The following TNNT2 variants were observed in gnomAD, a reference collection of about 807,000 sequenced individuals.
The protein encoded by TNNT2 is troponin T, cardiac muscle.
A neutral mutation model predicts 62.4 loss-of-function variants in TNNT2; 34 were observed. The ratio of observed to expected loss-of-function variants is 0.54; its 90% CI spans 0.41 to 0.72. The LOEUF (loss-of-function observed/expected upper bound fraction) is 0.72, where lower values mean the gene tolerates loss of function less well. Among genes scored for constraint, TNNT2 ranks in the 30% least tolerant of loss-of-function variants. The pLI is 0.00. For synonymous variants in TNNT2, 123 were observed against 127.2 expected (o/e 0.97, Z 0.22); for missense variants, 275 against 381.9 (o/e 0.72, Z 2.33).
At chr1:201,368,660 G>A (rs772764759) in intron 5 of TNNT2, among the ~76,000 whole-genome samples, 3 of 152,202 alleles carry the variant, frequency 2.0e-5, no homozygotes, top group African/African-American at 4.8e-5. Flanking sequence ...CTGGATCTTC[G>A]TACTATCCAG....
chr1:201,377,049 G>A (rs1489464467), intron 1 of TNNT2, among the ~76,000 whole-genome samples: 1 of 152,180 alleles, frequency 6.6e-6, no homozygotes, highest in African/African-American at 2.4e-5. Flanking sequence ...CGCTGCAGAG[G>A]ACCCTGCACA....
At position 201,365,200 on chromosome 1, in the gene TNNT2, T is replaced by C. The variant is rs1342739680; in HGVS notation, c.402A>G (p.Lys134=). 6.2e-7 allele frequency: 1 copy of C among 1,613,656 alleles called. No individual in the cohort carries two copies. Among genetic ancestry groups the C allele is most frequent in the African/African-American group, 1.3e-5 (1 of 74,896 alleles). ...CAGACTGGACACCTACGATCCTGTC[T>C]TTGAGAGAAACGAGCTCCTCCTCCT... ...KKEEEELVSL[K]DRIERRRAER... The change falls in exon 10 of 17, where the codon AAA becomes AAG. Residue 134 remains lysine, a synonymous_variant. Transcript: ENST00000656932.
rs748277130 is a variant in TNNT2, at chr1:201,366,932, G to A, written c.200-61C>T. 2.1e-4 allele frequency: 331 copies of A among 1,613,422 alleles called. 1 individual carries two copies. The highest frequency in any genetic ancestry group is 2.5e-4 in the East Asian group (11 of 44,872). ...GGGCCCCAGAAGTGGTCCCAACTCC[G>A]CCCTCGATGAGCTAGATCCCTGTGG... On this transcript the variant is annotated intron_variant, in intron 7 of 16. Transcript: ENST00000656932.
At chr1:201,373,015 C>T (rs565585911) in intron 2 of TNNT2, 199 bp downstream of exon 2, 24 of 707,872 alleles carry the variant, frequency 3.4e-5, no homozygotes, top group African/African-American at 2.6e-4. Flanking sequence ...CGAAGTCTCT[C>T]GGCCTGTGCT....
intron 16 of TNNT2, 122 bp downstream of exon 16, chr1:201,359,501 G>A (rs898122344): frequency 8.1e-6 from 9 of 1,108,264 alleles, no homozygotes; most frequent in Non-Finnish European, 1.2e-5. Flanking sequence ...GGAAACCTGT[G>A]GGCTGAAGCA....
intron 7 of TNNT2, chr1:201,367,287 G>A (rs1246411373): frequency 2.6e-6 from 1 of 389,566 alleles, no homozygotes; most frequent in Non-Finnish European, 4.8e-6. Flanking sequence ...CAGGGCAGAA[G>A]CTGATGACAT....
At position 201,360,297 on chromosome 1, in the gene TNNT2, A is replaced by T. The variant is rs150791580; in HGVS notation, c.811-634T>A. Among the ~76,000 whole-genome samples, 29 of 152,358 alleles carry T rather than the reference A, an allele frequency of 1.9e-4. No individual in the cohort carries two copies. The East Asian group carries it at 5.6e-3, about 29-fold the overall frequency. On this transcript the variant is annotated intron_variant, in intron 15 of 16. Coordinates refer to ENST00000656932, the MANE Select transcript of TNNT2 (RefSeq NM_001276345.2). ...ACCCATAGGGCTGCTATGAGGGCAT[A>T]GTAAGTTAATACATGGGACATGCTT...
At chr1:201,361,012 C>A (rs560321574) in intron 15 of TNNT2, 28 of 513,562 alleles carry the variant, frequency 5.5e-5, no homozygotes, top group South Asian at 5.3e-4. Flanking sequence ...GCTGCCTCAA[C>A]GTGTTGGAGA....
chr1:201,369,889 A>G (rs778127864), intron 4 of TNNT2, 44 bp from the exon 5 acceptor site: 1 of 1,613,594 alleles, frequency 6.2e-7, no homozygotes, highest in South Asian at 1.1e-5. Context: ...AAAGCGAGAC[A>G]GGTTAGTCTG....
At chr1:201,359,287 G>A (rs769696700) in intron 16 of TNNT2, 32 bp from the exon 17 acceptor site, 29 of 1,606,436 alleles carry the variant, frequency 1.8e-5, no homozygotes, top group Non-Finnish European at 1.7e-6. Flanking sequence ...GTGACATGGA[G>A]ACACAGGCAG....
intron 1 of TNNT2, chr1:201,374,551 G>A (rs1661112765): frequency 6.6e-6 from 1 of 152,240 alleles, no homozygotes; most frequent in African/African-American, 2.4e-5. Context: ...GGAGGGGGCA[G>A]AGAGCAAGCA....
intron 5 of TNNT2, 109 bp from the exon 6 acceptor site, chr1:201,368,336 C>G: frequency 8.7e-7 from 1 of 1,155,976 alleles, no homozygotes; most frequent in Non-Finnish European, 1.3e-6. Context: ...GTCAAGACGT[C>G]TAGGTCCAGA....
chr1:201,363,694 T>A, intron 11 of TNNT2: 1 of 452,716 alleles, frequency 2.2e-6, no homozygotes, highest in East Asian at 4.7e-5. Flanking sequence ...CTTCAGCAGC[T>A]GCACAGGAAG....
rs771688910 is a variant in TNNT2, at chr1:201,367,802, A to G, written c.168T>C (p.Asp56=). The change falls in exon 7 of 17, where the codon GAT becomes GAC. Residue 56 remains aspartate, a synonymous_variant. Coordinates refer to ENST00000656932, the MANE Select transcript of TNNT2 (RefSeq NM_001276345.2). ...CCTCCTTTGCTTCCTCTTCTTCTTC[A>G]TCTTCTAAATGAAACACGAGAAATC... The part of the protein sequence containing the change: ...AETEETRAEE[D]EEEEEAKEAE... 3 of 1,613,998 alleles carry G rather than the reference A, an allele frequency of 1.9e-6. No individual in the cohort carries two copies. The highest frequency in any genetic ancestry group is 2.2e-5 in the East Asian group (1 of 44,874).
intron 16 of TNNT2, 44 bp downstream of exon 16, chr1:201,359,579 G>A (rs376739754): frequency 2.4e-4 from 383 of 1,569,568 alleles, no homozygotes; most frequent in Non-Finnish European, 3.1e-4. Context: ...TAGGGAAGGA[G>A]GGGGCAGGGG....
chr1:201,361,366 C>A lies in TNNT2; in HGVS notation c.723G>T (p.Glu241Asp). 1 of 1,614,082 alleles carries A rather than the reference C, an allele frequency of 6.2e-7. No homozygotes were observed. The highest frequency in any genetic ancestry group is 8.5e-7 in the Non-Finnish European group (1 of 1,179,906). The change falls in exon 15 of 17, where the codon GAG becomes GAT. Residue 241 changes from glutamate (E) to aspartate (D), a missense_variant. Transcript: ENST00000656932. ...IDHLNEDQLR[E>D]KAKELWQSIY... ...TGCTCTGCCACAGCTCCTTGGCCTT[C>A]TCCCTGCACGGGCAAGGGTGAGAAT...
intron 12 of TNNT2, among the ~76,000 whole-genome samples, chr1:201,362,609 G>A (rs908844715): frequency 6.6e-6 from 1 of 152,172 alleles, no homozygotes; most frequent in Non-Finnish European, 1.5e-5. Context: ...AGTCTTGGCT[G>A]GTGTGGTCAC....
chr1:201,371,970 A>T (rs1265493465), intron 4 of TNNT2, 57 bp downstream of exon 4: 2 of 1,612,422 alleles, frequency 1.2e-6, no homozygotes, highest in African/African-American at 1.3e-5. Context: ...GGCTCCCAGG[A>T]TTTCCACATT....
intron 7 of TNNT2, 176 bp from the exon 8 acceptor site, chr1:201,367,047 G>T: frequency 1.0e-6 from 1 of 973,100 alleles, no homozygotes; most frequent in Non-Finnish European, 1.6e-6. Flanking sequence ...GGCAGCGGGG[G>T]CTGCAGATGC....
Sources: gnomAD v4.1 joint callset for allele counts (sites outside exome capture counted in the v4.1 genomes callset) on GRCh38, gnomAD v4.1.1 for gene constraint, MANE v1.5 for transcripts, NCBI Gene and HGNC (gene_info 2026-07-23, HGNC 2026-07-21) for gene names.